Variants in HIVEP3 observed in about 807,000 individuals in gnomAD.
HIVEP3 encodes HIVEP zinc finger 3, also known as transcription factor HIVEP3.
A neutral mutation model predicts 152.8 loss-of-function variants in HIVEP3; 49 were observed. The observed-to-expected ratio is 0.32, with a 90% CI of 0.26 to 0.41. The LOEUF (loss-of-function observed/expected upper bound fraction) is 0.41, where lower values mean the gene tolerates loss of function less well. Ranked by LOEUF, HIVEP3 falls within the 10% of genes least tolerant of loss-of-function variation. HIVEP3 has a pLI of 1.00. For missense variants in HIVEP3, 2,790 were observed against 3,103.3 expected (o/e 0.90, Z 2.40); for synonymous variants, 1,269 against 1,289.0 (o/e 0.98, Z 0.33).
intron 2 of HIVEP3, among the ~76,000 whole-genome samples, chr1:41,646,091 C>T (rs1192745929): frequency 6.6e-6 from 1 of 152,158 alleles, no homozygotes; most frequent in Non-Finnish European, 1.5e-5. Context: ...GAGAAGGGGG[C>T]TTCCAGGCAG....
chr1:41,772,487 A>G (rs1415668731), intron 1 of HIVEP3, among the ~76,000 whole-genome samples: 1 of 152,178 alleles, frequency 6.6e-6, no homozygotes, highest in African/African-American at 2.4e-5. Flanking sequence ...GGAAAGGAAC[A>G]AAGAACAACA....
intron 1 of HIVEP3, among the ~76,000 whole-genome samples, chr1:41,846,236 C>A (rs1206921863): frequency 6.6e-6 from 1 of 152,184 alleles, no homozygotes. Flanking sequence ...CCTTTTCTCT[C>A]ATCCCCCAAT....
intron 1 of HIVEP3, among the ~76,000 whole-genome samples, chr1:41,706,409 A>G (rs1646434637): frequency 6.6e-6 from 1 of 151,992 alleles, no homozygotes; most frequent in East Asian, 1.9e-4. Context: ...AGCCTCCCTA[A>G]TAGCTGGGAT....
intron 2 of HIVEP3, among the ~76,000 whole-genome samples, chr1:41,684,166 C>T (rs568969752): frequency 2.6e-5 from 4 of 152,162 alleles, no homozygotes; most frequent in Non-Finnish European, 4.4e-5. Flanking sequence ...TGCGGGAGGA[C>T]CCAGGTCTCC....
At chr1:41,816,315 G>A (rs1405982299) in intron 1 of HIVEP3, among the ~76,000 whole-genome samples, 2 of 152,150 alleles carry the variant, frequency 1.3e-5, no homozygotes, top group South Asian at 2.1e-4. Context: ...ATTCAAACCT[G>A]GTGAAACAAG....
chr1:41,958,438 A>G (rs1645151763), intron 1 of HIVEP3, among the ~76,000 whole-genome samples: 1 of 152,224 alleles, frequency 6.6e-6, no homozygotes, highest in South Asian at 2.1e-4. Context: ...GCAGAGCTGT[A>G]AATCTTGAAC....
chr1:41,717,371 C>G (rs1246388399), intron 1 of HIVEP3, among the ~76,000 whole-genome samples: 1 of 152,172 alleles, frequency 6.6e-6, no homozygotes, highest in African/African-American at 2.4e-5. Flanking sequence ...ATAGGGGAAA[C>G]AGACAACATT....
At chr1:41,710,881 G>T (rs1646503115) in intron 1 of HIVEP3, among the ~76,000 whole-genome samples, 1 of 152,162 alleles carries the variant, frequency 6.6e-6, no homozygotes. Context: ...ATTTGACATG[G>T]ATTACTCCAC....
chr1:41,893,830 TATA>T (rs1164187534), intron 1 of HIVEP3, among the ~76,000 whole-genome samples: 1 of 146,700 alleles, frequency 6.8e-6, no homozygotes, highest in Non-Finnish European at 1.5e-5. Flanking sequence ...TTATATAACA[TATA>T]ATATATATTA....
intron 1 of HIVEP3, among the ~76,000 whole-genome samples, chr1:41,989,095 G>T (rs1645341468): frequency 6.6e-6 from 1 of 152,100 alleles, no homozygotes; most frequent in African/African-American, 2.4e-5. Flanking sequence ...CTGGTGAAAA[G>T]ACATAAAATT....
intron 3 of HIVEP3, among the ~76,000 whole-genome samples, chr1:41,609,402 C>T (rs1053271908): frequency 2.6e-5 from 4 of 152,260 alleles, no homozygotes; most frequent in Non-Finnish European, 5.9e-5. Flanking sequence ...CAGTCAATGA[C>T]CCGACTGCCT....
upstream of HIVEP3, among the ~76,000 whole-genome samples, chr1:41,921,216 G>A (rs1327849618): frequency 6.6e-6 from 1 of 152,170 alleles, no homozygotes; most frequent in Non-Finnish European, 1.5e-5. Flanking sequence ...TGGGACATGG[G>A]AGGAAAAACT....
intron 2 of HIVEP3, among the ~76,000 whole-genome samples, chr1:41,647,214 G>C (rs1194309841): frequency 6.6e-6 from 1 of 152,174 alleles, no homozygotes; most frequent in Non-Finnish European, 1.5e-5. Flanking sequence ...CGAGAATTAG[G>C]ATGCACACAC....
At chr1:41,938,213 A>G (rs1475065723) in intron 1 of HIVEP3, among the ~76,000 whole-genome samples, 1 of 152,130 alleles carries the variant, frequency 6.6e-6, no homozygotes, top group Non-Finnish European at 1.5e-5. Flanking sequence ...TGTCTCTCAT[A>G]GCACCACATC....
chr1:41,960,913 T>C (rs1309512488), intron 1 of HIVEP3, among the ~76,000 whole-genome samples: 1 of 152,224 alleles, frequency 6.6e-6, no homozygotes, highest in African/African-American at 2.4e-5. Context: ...TCATCCCTCA[T>C]GTACTTTTCA....
At chr1:41,961,949 A>G (rs1219554319) in intron 1 of HIVEP3, among the ~76,000 whole-genome samples, 2 of 152,260 alleles carry the variant, frequency 1.3e-5, no homozygotes, top group African/African-American at 2.4e-5. Context: ...TTGGCACCTC[A>G]AAAAGAAGAC....
chr1:41,625,907 A>C lies in HIVEP3; in HGVS notation c.-522+2842T>G, dbSNP rs76371057. Among the ~76,000 whole-genome samples, 916 of 152,332 alleles carry C rather than the reference A, an allele frequency of 6.0e-3. 6 individuals are homozygous for C. Among genetic ancestry groups the C allele is most frequent in the Non-Finnish European group, 8.9e-3 (604 of 68,036 alleles). On this transcript the variant is annotated intron_variant, in intron 3 of 8. Transcript: ENST00000372583. Reference sequence around the variant, plus strand: ...ACCATCATTTTAACCTGTTTTATATATTGACATTCCATGCAAGATTTGGCT... The same window carrying C: ...ACCATCATTTTAACCTGTTTTATATCTTGACATTCCATGCAAGATTTGGCT...
Position 41,510,310 on chromosome 1 carries a change from GA to G in HIVEP3, c.*140del. 1 of 582,222 alleles carries G rather than the reference GA, an allele frequency of 1.7e-6. No homozygotes were observed. Among genetic ancestry groups the G allele is most frequent in the Non-Finnish European group, 2.7e-6 (1 of 371,622 alleles). 36.1% of individuals were successfully genotyped at this position (582,222 alleles called of 1,614,324 possible). A position where few individuals can be genotyped will look rare whatever the true frequency, so the allele number is the denominator to read the frequency against. The stretch of plus-strand genomic sequence containing the variant: ...AAGGCACAGGTAACTGCATACATGG[GA>G]AGGTACAACAGATGGGGCCGTGAGA... On this transcript the variant is annotated 3_prime_UTR_variant, in exon 9 of 9. Coordinates refer to ENST00000372583, the MANE Select transcript of HIVEP3 (RefSeq NM_024503.5).
intron 1 of HIVEP3, among the ~76,000 whole-genome samples, chr1:41,818,016 C>T (rs1642463214): frequency 6.6e-6 from 1 of 152,154 alleles, no homozygotes; most frequent in Admixed American, 6.5e-5. Flanking sequence ...TCAAGGACAC[C>T]TCAGCAATGT....
Sources: allele counts gnomAD v4.1 joint callset (sites outside exome capture counted in the v4.1 genomes callset), GRCh38; gene constraint gnomAD v4.1.1; transcripts MANE v1.5; gene names NCBI Gene and HGNC (gene_info 2026-07-23, HGNC 2026-07-21).